PLXDC2: variants seen among roughly 807,000 people sequenced by gnomAD.
PLXDC2 encodes plexin domain-containing protein 2.
In PLXDC2, 40 loss-of-function variants were observed where a neutral mutation model predicts 68.9. That is an observed-to-expected ratio of 0.58 (90% CI 0.45 to 0.76). The LOEUF is 0.76. Ranked by LOEUF, PLXDC2 falls within the 30% of genes least tolerant of loss-of-function variation. The pLI, the probability that PLXDC2 is intolerant of heterozygous loss-of-function variation, is 0.00. For missense variants in PLXDC2, 644 were observed against 661.9 expected (o/e 0.97, Z 0.30); for synonymous variants, 243 against 234.2 (o/e 1.04, Z -0.34).
intron 1 of PLXDC2, among the ~76,000 whole-genome samples, chr10:19,872,044 T>C (rs72784146): frequency 0.045 from 6,804 of 152,290 alleles, 194 homozygotes; most frequent in Middle Eastern, 0.12. Context: ...TAAGTCATTA[T>C]TGAATGAATG....
At chr10:20,148,741 T>A (rs1243900384) in intron 6 of PLXDC2, among the ~76,000 whole-genome samples, 1 of 152,156 alleles carries the variant, frequency 6.6e-6, no homozygotes, top group Non-Finnish European at 1.5e-5. Flanking sequence ...TAATGGGTAT[T>A]TATAATATTA....
rs1366127838 is a variant in PLXDC2 at position 20,185,666 on chromosome 10, T to A, written c.1061+8257T>A. ...AGAGACAAAGCATTGCTTATAACCC[T>A]TTTGCCATTATGGTCTAAGTTCATA... is the stretch of plus-strand genomic sequence containing the variant. On this transcript the variant is annotated intron_variant, in intron 9 of 13. Coordinates refer to ENST00000377252, the MANE Select transcript of PLXDC2 (RefSeq NM_032812.9). Among the ~76,000 whole-genome samples the A allele has an allele frequency of 2.0e-5, 3 of 151,930 alleles. No individual in the cohort carries two copies. The East Asian group carries it at 5.8e-4, about 29-fold the overall frequency.
intron 2 of PLXDC2, among the ~76,000 whole-genome samples, chr10:20,012,797 G>A (rs909072357): frequency 6.6e-6 from 1 of 152,140 alleles, no homozygotes; most frequent in Non-Finnish European, 1.5e-5. Flanking sequence ...GACTGCCTTA[G>A]TTTTCTTTTT....
chr10:20,118,920 C>CTTTTT (rs34396697), intron 4 of PLXDC2, among the ~76,000 whole-genome samples: 1 of 139,954 alleles, frequency 7.1e-6, no homozygotes. Context: ...ACATTGAAGC[C>CTTTTT]TTTTTTTTTT....
chr10:19,894,023 A>G (rs1424805705), intron 1 of PLXDC2, among the ~76,000 whole-genome samples: 1 of 152,190 alleles, frequency 6.6e-6, no homozygotes, highest in Non-Finnish European at 1.5e-5. Context: ...GAATGGAGTA[A>G]ATTCAGAGAA....
chr10:19,915,959 C>G (rs976808755), intron 1 of PLXDC2, among the ~76,000 whole-genome samples: 1 of 151,992 alleles, frequency 6.6e-6, no homozygotes, highest in Non-Finnish European at 1.5e-5. Context: ...TTTCCCTTCC[C>G]TCTATCTCAG....
intron 4 of PLXDC2, among the ~76,000 whole-genome samples, chr10:20,121,801 A>G (rs1354199506): frequency 6.6e-6 from 1 of 152,180 alleles, no homozygotes; most frequent in African/African-American, 2.4e-5. Flanking sequence ...TAGGACAGGT[A>G]AAATGGGGGA....
chr10:20,024,799 T>TA, intron 2 of PLXDC2, among the ~76,000 whole-genome samples: 1 of 152,252 alleles, frequency 6.6e-6, no homozygotes. Context: ...AGGTCCTACT[T>TA]ATAAGTGAGA....
chr10:19,963,990 G>A (rs1834204522), intron 1 of PLXDC2, among the ~76,000 whole-genome samples: 1 of 152,072 alleles, frequency 6.6e-6, no homozygotes, highest in African/African-American at 2.4e-5. Context: ...TGCAATAATG[G>A]CAAATTCATT....
intron 6 of PLXDC2, among the ~76,000 whole-genome samples, chr10:20,157,543 G>A (rs1298935006): frequency 2.0e-5 from 3 of 152,186 alleles, no homozygotes; most frequent in Admixed American, 6.5e-5. Context: ...AGAGACAGAT[G>A]TAAAAAGCTC....
chr10:19,961,578 GT>G (rs1834154504), intron 1 of PLXDC2, among the ~76,000 whole-genome samples: 1 of 152,228 alleles, frequency 6.6e-6, no homozygotes, highest in Admixed American at 6.5e-5. Context: ...AGTGAGCTAG[GT>G]TAACTTTCCA....
intron 9 of PLXDC2, among the ~76,000 whole-genome samples, chr10:20,198,492 A>T (rs1276785435): frequency 2.0e-5 from 3 of 152,082 alleles, no homozygotes; most frequent in Non-Finnish European, 4.4e-5. Flanking sequence ...GTATATATTT[A>T]TGGGGTACTA....
At chr10:20,052,722 CAAAA>C (rs59776582) in intron 3 of PLXDC2, among the ~76,000 whole-genome samples, 315 of 92,842 alleles carry the variant, frequency 3.4e-3, no homozygotes, top group African/African-American at 0.011. Flanking sequence ...ACAAATTATG[CAAAA>C]AAAAAAAAAA....
chr10:19,938,945 C>T (rs1211546940), intron 1 of PLXDC2, among the ~76,000 whole-genome samples: 1 of 151,860 alleles, frequency 6.6e-6, no homozygotes, highest in African/African-American at 2.4e-5. Context: ...GAAGAACTGG[C>T]AGTAAGAATG....
intron 4 of PLXDC2, among the ~76,000 whole-genome samples, chr10:20,123,442 A>G (rs913591511): frequency 6.6e-6 from 1 of 152,134 alleles, no homozygotes. Context: ...AATTATTTAG[A>G]TCTTGTAAGA....
chr10:20,205,093 T>C (rs192416627), intron 9 of PLXDC2, among the ~76,000 whole-genome samples: 13 of 152,292 alleles, frequency 8.5e-5, no homozygotes, highest in Admixed American at 8.5e-4. Flanking sequence ...TGAAATTCTT[T>C]CTGCAAAACT....
At chr10:19,901,522 T>A (rs1375238845) in intron 1 of PLXDC2, among the ~76,000 whole-genome samples, 1 of 152,138 alleles carries the variant, frequency 6.6e-6, no homozygotes, top group African/African-American at 2.4e-5. Flanking sequence ...TTTGATGGGA[T>A]CATTTGTTTT....
At chr10:20,072,126 C>G (rs1323364813) in intron 4 of PLXDC2, among the ~76,000 whole-genome samples, 1 of 151,884 alleles carries the variant, frequency 6.6e-6, no homozygotes, top group Non-Finnish European at 1.5e-5. Context: ...GTGGGCGGAT[C>G]ACCTGAGGTC....
chr10:19,982,329 C>T (rs773110083), intron 1 of PLXDC2, among the ~76,000 whole-genome samples: 1 of 152,148 alleles, frequency 6.6e-6, no homozygotes, highest in Non-Finnish European at 1.5e-5. Flanking sequence ...CAGAACCATC[C>T]CTCCGTTCTG....
Sources: allele counts gnomAD v4.1 joint callset (sites outside exome capture counted in the v4.1 genomes callset), GRCh38; gene constraint gnomAD v4.1.1; transcripts MANE v1.5; gene names NCBI Gene and HGNC (gene_info 2026-07-23, HGNC 2026-07-21).